Variants in FRK observed in about 807,000 individuals in gnomAD.
FRK encodes the protein tyrosine-protein kinase FRK.
A neutral mutation model predicts 56.4 loss-of-function variants in FRK; 51 were observed. That is an observed-to-expected ratio of 0.90 (90% confidence interval 0.72 to 1.14). The LOEUF (loss-of-function observed/expected upper bound fraction) is 1.14, where lower values mean the gene tolerates loss of function less well. FRK is among the 50% of genes most tolerant of loss of function. The pLI is 0.00. For synonymous variants in FRK, 245 were observed against 217.9 expected, an observed-to-expected ratio of 1.12 and a Z score of -1.10; for missense variants, 570 against 601.4, an observed-to-expected ratio of 0.95 and a Z score of 0.55.
intron 2 of FRK, among the ~76,000 whole-genome samples, chr6:115,970,346 G>T (rs1326609570): frequency 6.6e-6 from 1 of 152,102 alleles, no homozygotes; most frequent in African/African-American, 2.4e-5. Context: ...ATCAATAAAA[G>T]TGCACAATAT....
intron 2 of FRK, among the ~76,000 whole-genome samples, chr6:115,976,528 T>G (rs976054414): frequency 1.3e-5 from 2 of 152,170 alleles, no homozygotes; most frequent in African/African-American, 2.4e-5. Context: ...AATGGTTGAT[T>G]GTGCAGATTT....
chr6:116,038,942 G>T, intron 1 of FRK: 2 of 657,056 alleles, frequency 3.0e-6, no homozygotes, highest in East Asian at 3.6e-5. Flanking sequence ...CTGTGGCTGC[G>T]CAGAACTGCT....
intron 1 of FRK, among the ~76,000 whole-genome samples, chr6:116,024,589 A>G (rs991405837): frequency 1.4e-4 from 21 of 152,180 alleles, no homozygotes; most frequent in African/African-American, 4.3e-4. Flanking sequence ...TACAAAGGAC[A>G]TGAACTCATC....
At chr6:116,054,076 G>A (rs1276296677) in intron 1 of FRK, among the ~76,000 whole-genome samples, 2 of 151,392 alleles carry the variant, frequency 1.3e-5, no homozygotes, top group East Asian at 1.9e-4. Context: ...AAAAATAGTG[G>A]CAATTTATGT....
At chr6:116,093,700 G>C in the FRK span, among the ~76,000 whole-genome samples, 7 of 152,152 alleles carry the variant, frequency 4.6e-5, no homozygotes, top group Non-Finnish European at 7.3e-5. Flanking sequence ...GGACTAAGGA[G>C]AATTAGGAAA....
chr6:115,934,178 T>C lies in FRK; in HGVS notation c.*8236A>G, dbSNP rs1024849820. 1.3e-5 allele frequency: 2 copies of C among 152,212 alleles called. No individual in the cohort carries two copies. Among genetic ancestry groups the C allele is most frequent in the Non-Finnish European group, 2.9e-5 (2 of 68,036 alleles). 9.4% of individuals were successfully genotyped at this position (152,212 alleles called of 1,614,324 possible). Reference sequence around the variant, plus strand: ...CTAACCGTTAATTCACCTCAGGGAATGTTCTCCTTAATGAACACCTCTCCA... The same window carrying C: ...CTAACCGTTAATTCACCTCAGGGAACGTTCTCCTTAATGAACACCTCTCCA... On this transcript the variant is annotated 3_prime_UTR_variant, in exon 8 of 8. Coordinates refer to ENST00000606080, the MANE Select transcript of FRK (RefSeq NM_002031.3).
In FRK at chr6:116,060,081, C is replaced by T. The variant is rs1777566440; in HGVS notation, c.231G>A (p.Glu77=). The change falls in exon 1 of 8, where the codon GAG becomes GAA. Residue 77 remains glutamate, a synonymous_variant. Coordinates refer to ENST00000606080, the MANE Select transcript of FRK (RefSeq NM_002031.3). ...DKLQVLDTLH[E]GWWFARHLEK... ...CCAAGTGTCTGGCAAACCACCAGCCCTCATGCAAAGTGTCCAGAACTTGAA... is the reference window on the plus strand; with the variant it reads ...CCAAGTGTCTGGCAAACCACCAGCCTTCATGCAAAGTGTCCAGAACTTGAA... The T allele has an allele frequency of 6.2e-7, 1 of 1,614,184 alleles. No homozygotes were observed. Among genetic ancestry groups the T allele is most frequent in the East Asian group, 2.2e-5 (1 of 44,890 alleles).
At chr6:116,005,818 A>G (rs955904926) in intron 1 of FRK, among the ~76,000 whole-genome samples, 4 of 152,348 alleles carry the variant, frequency 2.6e-5, no homozygotes, top group African/African-American at 4.8e-5. Flanking sequence ...GGATGACTCA[A>G]TAAATAACAC....
At chr6:115,947,116 A>G (rs1772487236) in intron 5 of FRK, among the ~76,000 whole-genome samples, 1 of 152,118 alleles carries the variant, frequency 6.6e-6, no homozygotes, top group Non-Finnish European at 1.5e-5. Context: ...TGTAATTGAC[A>G]AAGTATTCAG....
At chr6:116,033,733 C>A (rs1322091857) in intron 1 of FRK, among the ~76,000 whole-genome samples, 1 of 152,118 alleles carries the variant, frequency 6.6e-6, no homozygotes, top group Non-Finnish European at 1.5e-5. Context: ...GAGAAAACTG[C>A]TGGAGGATTT....
chr6:116,036,713 A>G (rs939967329), intron 1 of FRK, among the ~76,000 whole-genome samples: 4 of 151,816 alleles, frequency 2.6e-5, no homozygotes, highest in African/African-American at 9.7e-5. Context: ...TCTTTTGAAA[A>G]GGAAAAAAAT....
chr6:116,015,739 C>T (rs1370221424), intron 1 of FRK, among the ~76,000 whole-genome samples: 1 of 152,144 alleles, frequency 6.6e-6, no homozygotes, highest in Non-Finnish European at 1.5e-5. Flanking sequence ...TCATGCTATG[C>T]TTTGGCAAAG....
intron 1 of FRK, among the ~76,000 whole-genome samples, chr6:116,031,830 C>G (rs1776313633): frequency 6.6e-6 from 1 of 152,072 alleles, no homozygotes; most frequent in South Asian, 2.1e-4. Context: ...TATGAAACAG[C>G]AGATTAGGAA....
chr6:116,076,764 G>A, the FRK span, among the ~76,000 whole-genome samples: 2 of 152,098 alleles, frequency 1.3e-5, no homozygotes, highest in African/African-American at 2.4e-5. Flanking sequence ...AGACCCAGGC[G>A]GTGTTTATAC....
chr6:116,096,475 G>A, the FRK span, among the ~76,000 whole-genome samples: 1 of 152,076 alleles, frequency 6.6e-6, no homozygotes, highest in African/African-American at 2.4e-5. Context: ...TCTGTGTCTA[G>A]CTAAAAGACT....
In FRK at chr6:115,933,937, T is replaced by A. The variant is rs1772001168; in HGVS notation, c.*8477A>T. 6.6e-6 allele frequency: 1 copy of A among 152,134 alleles called. No individual in the cohort carries two copies. The highest frequency in any genetic ancestry group is 1.5e-5 in the Non-Finnish European group (1 of 68,014). 9.4% of individuals were successfully genotyped at this position (152,134 alleles called of 1,614,324 possible). A position where few individuals can be genotyped will look rare whatever the true frequency, so the allele number is the denominator to read the frequency against. Reference sequence around the variant, plus strand: ...GGGTTCTATAATCTTTAGCTTCACATGACCCATTTAATTTCAAGGTCATCA... The same window carrying A: ...GGGTTCTATAATCTTTAGCTTCACAAGACCCATTTAATTTCAAGGTCATCA... On this transcript the variant is annotated 3_prime_UTR_variant, in exon 8 of 8. Transcript: ENST00000606080.
chr6:116,087,429 A>AC, the FRK span, among the ~76,000 whole-genome samples: 780 of 152,334 alleles, frequency 5.1e-3, 7 homozygotes, highest in African/African-American at 0.017. Context: ...CCCTAGAGTA[A>AC]CCCCAAAGCC....
intron 1 of FRK, among the ~76,000 whole-genome samples, chr6:116,057,991 C>A (rs1201116248): frequency 6.6e-6 from 1 of 152,098 alleles, no homozygotes; most frequent in African/African-American, 2.4e-5. Context: ...CATAAGAGCT[C>A]CTGTTCCCAG....
At position 115,941,857 on chromosome 6, in the gene FRK, G is replaced by A. The variant is rs983982380; in HGVS notation, c.*557C>T. The A allele has an allele frequency of 6.6e-6, 1 of 152,468 alleles. No individual in the cohort carries two copies. Among genetic ancestry groups the A allele is most frequent in the African/African-American group, 2.4e-5 (1 of 41,366 alleles). 9.4% of individuals were successfully genotyped at this position (152,468 alleles called of 1,614,324 possible). ...CATTTTTTTATGCATAGAAAAAAAT[G>A]TGCAATTACTCCAAGTACAATCAAG... On this transcript the variant is annotated 3_prime_UTR_variant, in exon 8 of 8. Coordinates refer to ENST00000606080, the MANE Select transcript of FRK (RefSeq NM_002031.3).
Sources: gnomAD v4.1 joint callset for allele counts (sites outside exome capture counted in the v4.1 genomes callset) on GRCh38, gnomAD v4.1.1 for gene constraint, MANE v1.5 for transcripts, NCBI Gene and HGNC (gene_info 2026-07-23, HGNC 2026-07-21) for gene names.